Variants in AVPR1B observed in about 807,000 individuals in gnomAD.
AVPR1B encodes arginine vasopressin receptor 1B.
Under a neutral mutation model 27.5 loss-of-function variants are expected in AVPR1B, and 25 were observed. That is an observed-to-expected ratio of 0.91 (90% confidence interval 0.66 to 1.27). The LOEUF is 1.27. AVPR1B is among the 50% of genes most tolerant of loss of function. The pLI, the probability that AVPR1B is intolerant of heterozygous loss-of-function variation, is 0.00. For missense variants in AVPR1B, 595 were observed against 556.9 expected (o/e 1.07, Z -0.69); for synonymous variants, 248 against 240.2 (o/e 1.03, Z -0.30).
At chr1:206,114,010 T>C (rs1284289736) in intron 1 of AVPR1B, among the ~76,000 whole-genome samples, 2 of 152,202 alleles carry the variant, frequency 1.3e-5, no homozygotes, top group Non-Finnish European at 2.9e-5. Flanking sequence ...AAATAATCTC[T>C]TGCCCAGACG....
rs1663319223 is a variant in AVPR1B, at chr1:206,108,599, T to C, written c.*1590A>G. Among the ~76,000 whole-genome samples the C allele has an allele frequency of 6.6e-6, 1 of 152,240 alleles. No homozygotes were observed. Among genetic ancestry groups the C allele is most frequent in the South Asian group, 2.1e-4 (1 of 4,830 alleles). Reference sequence around the variant, plus strand: ...AGTATAGAGCTCATGACTTTACAAATGACTTTTATATCCACAGTCCTATTT... The same window carrying C: ...AGTATAGAGCTCATGACTTTACAAACGACTTTTATATCCACAGTCCTATTT... On this transcript the variant is annotated 3_prime_UTR_variant, in exon 2 of 2. Transcript: ENST00000367126.
chr1:206,114,536 C>T (rs1377978315), intron 1 of AVPR1B, among the ~76,000 whole-genome samples: 2 of 152,174 alleles, frequency 1.3e-5, no homozygotes, highest in East Asian at 1.9e-4. Context: ...CACCTCTGGA[C>T]GGCCAGACCA....
At position 206,116,287 on chromosome 1, in the gene AVPR1B, A is replaced by C. The variant is rs781883502; in HGVS notation, c.604T>G (p.Trp202Gly). 1.2e-6 allele frequency: 2 copies of C among 1,613,542 alleles called. No individual in the cohort carries two copies. The highest frequency in any genetic ancestry group is 1.7e-6 in the Non-Finnish European group (2 of 1,180,018). Reference protein sequence around the residue: ...FPWGPRAYLTWTTLAIFVLPV... With the variant: ...FPWGPRAYLTGTTLAIFVLPV... ...AGAACGAAGATAGCCAGGGTGGTCC[A>C]GGTGAGGTAGGCCCGTGGCCCCCAA... Residue 202 changes from tryptophan (W) to glycine (G), a missense_variant, in exon 1 of 2, where the codon TGG (tryptophan) becomes GGG (glycine). Coordinates refer to ENST00000367126, the MANE Select transcript of AVPR1B (RefSeq NM_000707.5).
intron 1 of AVPR1B, among the ~76,000 whole-genome samples, chr1:206,112,926 T>C (rs926026815): frequency 4.1e-4 from 63 of 152,312 alleles, no homozygotes; most frequent in African/African-American, 1.5e-3. Context: ...CAAAACAAGC[T>C]CAGCCTTCCT....
intron 1 of AVPR1B, among the ~76,000 whole-genome samples, chr1:206,111,794 G>A (rs1282693258): frequency 6.6e-6 from 1 of 152,226 alleles, no homozygotes; most frequent in Non-Finnish European, 1.5e-5. Context: ...GAGAACATGA[G>A]TCATAGGAGT....
chr1:206,109,274 A>C lies in AVPR1B; in HGVS notation c.*915T>G, dbSNP rs367913860. On this transcript the variant is annotated 3_prime_UTR_variant, in exon 2 of 2. Transcript: ENST00000367126. ...CTGGAGGGTGTCCAGAGCCATGATG[A>C]TGTCACCTTTTCTCAAAGGAGGTCT... Among the ~76,000 whole-genome samples, 2 of 152,100 alleles carry C rather than the reference A, an allele frequency of 1.3e-5. No homozygotes were observed. The highest frequency in any genetic ancestry group is 2.4e-5 in the African/African-American group (1 of 41,408).
At position 206,116,096 on chromosome 1, in the gene AVPR1B, C is replaced by T. The variant is rs782587941; in HGVS notation, c.795G>A (p.Arg265=). Residue 265 remains arginine, a synonymous_variant, in exon 1 of 2, where the codon CGG becomes CGA. Transcript: ENST00000367126. Reference sequence around the variant, plus strand: ...GTGAGATGGTGTTGATGCTGCTGACCCGAGATGGCAGCCCCCGAGTGGTGG... The same window carrying T: ...GTGAGATGGTGTTGATGCTGCTGACTCGAGATGGCAGCCCCCGAGTGGTGG... ...LAATTRGLPS[R]VSSINTISRA... is the part of the protein sequence containing the mutation. 1 of 1,614,212 alleles carries T rather than the reference C, an allele frequency of 6.2e-7. No individual in the cohort carries two copies. Among genetic ancestry groups the T allele is most frequent in the Non-Finnish European group, 8.5e-7 (1 of 1,180,048 alleles).
Position 206,107,546 on chromosome 1 carries a change from C to T in AVPR1B, c.*2643G>A, listed in dbSNP as rs35513348. ...TGCAGTCGCTCCCCACTGTCCATAT[C>T]ACAGGACAGAACCAGCTTTCTGGAA... On this transcript the variant is annotated 3_prime_UTR_variant, in exon 2 of 2. Transcript: ENST00000367126. 1.6e-4 allele frequency among the ~76,000 whole-genome samples: 25 copies of T among 152,310 alleles called. No homozygotes were observed. The East Asian group carries it at 4.8e-3, about 29-fold the overall frequency.
In AVPR1B at chr1:206,107,490, T is replaced by C. The variant is rs374719842; in HGVS notation, c.*2699A>G. Among the ~76,000 whole-genome samples the C allele has an allele frequency of 6.6e-6, 1 of 152,306 alleles. No individual in the cohort carries two copies. Among genetic ancestry groups the C allele is most frequent in the African/African-American group, 2.4e-5 (1 of 41,566 alleles). On this transcript the variant is annotated 3_prime_UTR_variant, in exon 2 of 2. Coordinates refer to ENST00000367126, the MANE Select transcript of AVPR1B (RefSeq NM_000707.5). ...TCCACCATTTCCTTCAGGAGCTTCC[T>C]GGAATGGGTTCCCGAGGCCCTCAGC...
chr1:206,116,980 G>T lies in AVPR1B; in HGVS notation c.-90C>A. 8.4e-7 allele frequency: 1 copy of T among 1,189,130 alleles called. No individual in the cohort carries two copies. Among genetic ancestry groups the T allele is most frequent in the Non-Finnish European group, 1.2e-6 (1 of 832,574 alleles). 73.7% of individuals were successfully genotyped at this position (1,189,130 alleles called of 1,614,324 possible). ...GATAAAATGGAGTGGCAGGGGAGGT[G>T]GAGAGAAAGGAGAAGCGTTGAGAAT... On this transcript the variant is annotated 5_prime_UTR_variant, in exon 1 of 2. Transcript: ENST00000367126.
Position 206,109,307 on chromosome 1 carries a change from G to A in AVPR1B, c.*882C>T, listed in dbSNP as rs1383041249. On this transcript the variant is annotated 3_prime_UTR_variant, in exon 2 of 2. Transcript: ENST00000367126. ...TTTTCTCAAAGGAGGTCTCCTCTGT[G>A]TAGCCCCCGGGGAAAGAGCAGGCTG... 9.9e-5 allele frequency among the ~76,000 whole-genome samples: 15 copies of A among 152,104 alleles called. No homozygotes were observed. Among genetic ancestry groups the A allele is most frequent in the Non-Finnish European group, 2.2e-4 (15 of 68,022 alleles).
At position 206,116,276 on chromosome 1, in the gene AVPR1B, C is replaced by A; in HGVS notation, c.615G>T (p.Leu205=). 1.2e-6 allele frequency: 2 copies of A among 1,613,594 alleles called. No individual in the cohort carries two copies. The highest frequency in any genetic ancestry group is 1.7e-6 in the Non-Finnish European group (2 of 1,180,042). Residue 205 remains leucine, a synonymous_variant, in exon 1 of 2, where the codon CTG becomes CTT. Transcript: ENST00000367126. The stretch of plus-strand genomic sequence containing the variant: ...TGGTCACCGGCAGAACGAAGATAGC[C>A]AGGGTGGTCCAGGTGAGGTAGGCCC... The part of the protein sequence containing the change: ...GPRAYLTWTT[L]AIFVLPVTML...
rs1175381457 is a variant in AVPR1B at position 206,117,019 on chromosome 1, C to T, written c.-129G>A. 2 of 892,242 alleles carry T rather than the reference C, an allele frequency of 2.2e-6. No homozygotes were observed. Among genetic ancestry groups the T allele is most frequent in the Non-Finnish European group, 1.8e-6 (1 of 565,154 alleles). The allele number at this position is 892,242 out of a possible 1,614,324, so 55.3% of individuals were successfully genotyped here. A position where few individuals can be genotyped will look rare whatever the true frequency, so the allele number is the denominator to read the frequency against. Reference sequence around the variant, plus strand: ...AGCGTTGAGAATGACAGGGAGAAGGCTTGCAAATAGGCGGAAATCGTTCAG... The same window carrying T: ...AGCGTTGAGAATGACAGGGAGAAGGTTTGCAAATAGGCGGAAATCGTTCAG... On this transcript the variant is annotated 5_prime_UTR_variant, in exon 1 of 2. Coordinates refer to ENST00000367126, the MANE Select transcript of AVPR1B (RefSeq NM_000707.5).
At chr1:206,113,668 A>G (rs1553290141) in intron 1 of AVPR1B, among the ~76,000 whole-genome samples, 2 of 152,232 alleles carry the variant, frequency 1.3e-5, no homozygotes, top group African/African-American at 4.8e-5. Flanking sequence ...ATAAAGAGGC[A>G]GATGACCATC....
Position 206,117,130 on chromosome 1 carries a change from G to C in AVPR1B, c.-240C>G. ...TCGACCCAGGAGAGGGAGAAGGAGGGGTCAGGAAGATGGGGAATCAGGACG... is the reference window on the plus strand; with the variant it reads ...TCGACCCAGGAGAGGGAGAAGGAGGCGTCAGGAAGATGGGGAATCAGGACG... On this transcript the variant is annotated 5_prime_UTR_variant, in exon 1 of 2. Transcript: ENST00000367126. The C allele has an allele frequency of 1.9e-6, 1 of 538,164 alleles. No homozygotes were observed. The highest frequency in any genetic ancestry group is 3.3e-6 in the Non-Finnish European group (1 of 305,570). 33.3% of individuals were successfully genotyped at this position (538,164 alleles called of 1,614,324 possible). A position where few individuals can be genotyped will look rare whatever the true frequency, so the allele number is the denominator to read the frequency against.
rs781839660 is a variant in AVPR1B, at chr1:206,116,027, C to T, written c.864G>A (p.Leu288=). 5 of 1,614,226 alleles carry T rather than the reference C, an allele frequency of 3.1e-6. No homozygotes were observed. In the South Asian group the frequency reaches 3.3e-5, roughly 11 times the overall value. The change falls in exon 1 of 2, where the codon CTG becomes CTA. Residue 288 remains leucine (L), a synonymous_variant. Transcript: ENST00000367126. ...AGGGAGCCCAGCAAGCGATGTAGGCCAGCACGATGACAAAGGTCATCTTCA... is the reference window on the plus strand; with the variant it reads ...AGGGAGCCCAGCAAGCGATGTAGGCTAGCACGATGACAAAGGTCATCTTCA... The part of the protein sequence containing the change: ...RTVKMTFVIV[L]AYIACWAPFF...
In AVPR1B at chr1:206,116,531, G is replaced by A. The variant is rs782438238; in HGVS notation, c.360C>T (p.Ala120=). The A allele has an allele frequency of 1.2e-6, 2 of 1,614,158 alleles. No individual in the cohort carries two copies. The highest frequency in any genetic ancestry group is 1.7e-6 in the Non-Finnish European group (2 of 1,180,024). ...TCATGGCCAGCAGCATGTAGGTGGAGGCAAACATGCTGAGCACCTGCAGGT... is the reference window on the plus strand; with the variant it reads ...TCATGGCCAGCAGCATGTAGGTGGAAGCAAACATGCTGAGCACCTGCAGGT... ...VKYLQVLSMF[A]STYMLLAMTL... The change falls in exon 1 of 2, where the codon GCC becomes GCT. Residue 120 remains alanine (A), a synonymous_variant. Coordinates refer to ENST00000367126, the MANE Select transcript of AVPR1B (RefSeq NM_000707.5).
intron 1 of AVPR1B, among the ~76,000 whole-genome samples, chr1:206,113,574 G>A (rs1195460931): frequency 6.6e-6 from 1 of 152,192 alleles, no homozygotes; most frequent in Admixed American, 6.5e-5. Context: ...GGTGTTGAGG[G>A]ACAGGTTGAT....
In AVPR1B at chr1:206,116,711, G is replaced by A; in HGVS notation, c.180C>T (p.Gly60=). The A allele has an allele frequency of 6.2e-7, 1 of 1,608,854 alleles. No individual in the cohort carries two copies. The highest frequency in any genetic ancestry group is 1.1e-5 in the South Asian group (1 of 90,226). ...TGCGGGAGCGCTTGCGGCCCAGCTG[G>A]CCCAGGGTCAGCAGCACAGCCAGGT... The part of the protein sequence containing the change: ...GGNLAVLLTL[G]QLGRKRSRMH... Residue 60 remains glycine, a synonymous_variant, in exon 1 of 2, where the codon GGC becomes GGT. Coordinates refer to ENST00000367126, the MANE Select transcript of AVPR1B (RefSeq NM_000707.5).
Sources: allele counts gnomAD v4.1 joint callset (sites outside exome capture counted in the v4.1 genomes callset), GRCh38; gene constraint gnomAD v4.1.1; transcripts MANE v1.5; gene names NCBI Gene and HGNC (gene_info 2026-07-23, HGNC 2026-07-21).